The following ZDHHC5 variants were observed in gnomAD, a reference collection of about 807,000 sequenced individuals.
ZDHHC5 encodes the protein zDHHC palmitoyltransferase 5.
A neutral mutation model predicts 70.0 loss-of-function variants in ZDHHC5; 22 were observed. The ratio of observed to expected loss-of-function variants is 0.31; its 90% CI spans 0.22 to 0.45. ZDHHC5 has a LOEUF of 0.45. ZDHHC5 is among the 20% of genes least tolerant of loss of function. The pLI, the probability that ZDHHC5 is intolerant of heterozygous loss-of-function variation, is 1.00. For synonymous variants in ZDHHC5, 313 were observed against 347.8 expected (o/e 0.90, Z 1.11); for missense variants, 746 against 926.9 (o/e 0.80, Z 2.53).
Position 57,700,496 on chromosome 11 carries a change from C to G in ZDHHC5, c.*465C>G, listed in dbSNP as rs1176590786. The stretch of plus-strand genomic sequence containing the variant: ...GGAAAATGAGGGAGGGATACATATA[C>G]GGAGGGGGATCTTACTCTTCCCATT... On this transcript the variant is annotated 3_prime_UTR_variant, in exon 12 of 12. Transcript: ENST00000287169. 6.6e-6 allele frequency: 1 copy of G among 151,074 alleles called. No homozygotes were observed. The highest frequency in any genetic ancestry group is 1.5e-5 in the Non-Finnish European group (1 of 67,806). 9.4% of individuals were successfully genotyped at this position (151,074 alleles called of 1,614,324 possible).
chr11:57,698,932 C>T lies in ZDHHC5; in HGVS notation c.1496C>T (p.Ser499Phe), dbSNP rs749005296. Residue 499 changes from serine to phenylalanine, a missense_variant, in exon 11 of 12, where the codon TCT becomes TTT. Coordinates refer to ENST00000287169, the MANE Select transcript of ZDHHC5 (RefSeq NM_015457.3). ...CCAGACCCACCTTTAGGCTATACCT[C>T]TCCCTTCCTGTCAGCCAGGCTGGCC... ...PEPDPPLGYT[S>F]PFLSARLAQQ... 2.8e-5 allele frequency: 45 copies of T among 1,613,944 alleles called. No homozygotes were observed. Among genetic ancestry groups the T allele is most frequent in the Non-Finnish European group, 3.4e-5 (40 of 1,180,026 alleles).
rs745651062 is a variant in ZDHHC5 at position 57,698,658 on chromosome 11, C to T, written c.1222C>T (p.Arg408Cys). 1.4e-4 allele frequency: 234 copies of T among 1,614,062 alleles called. No homozygotes were observed. Among genetic ancestry groups the T allele is most frequent in the East Asian group, 3.3e-4 (15 of 44,884 alleles). ...GCCCAGCTTGGAACCAGAGAGCTTC[C>T]GTTCTCCTACCTTTGGCAAAAGTTT... ...SEPSLEPESFRSPTFGKSFHF... is the reference protein window; with the variant it reads ...SEPSLEPESFCSPTFGKSFHF... The change falls in exon 11 of 12, where the codon CGT becomes TGT. Residue 408 changes from arginine to cysteine, a missense_variant. Coordinates refer to ENST00000287169, the MANE Select transcript of ZDHHC5 (RefSeq NM_015457.3).
chr11:57,688,773 G>GT lies in ZDHHC5; in HGVS notation c.384+110dup, dbSNP rs550907743. On this transcript the variant is annotated intron_variant, in intron 4 of 11. Coordinates refer to ENST00000287169, the MANE Select transcript of ZDHHC5 (RefSeq NM_015457.3). ...ATGTGGTATAGTCCTGTCTAACTAC[G>GT]TTGGCCACATGGTCCAGCTCTGTCA... The GT allele has an allele frequency of 4.6e-4, 574 of 1,245,048 alleles. 1 individual carries two copies. The highest frequency in any genetic ancestry group is 5.8e-4 in the Non-Finnish European group (548 of 948,786). 77.1% of individuals were successfully genotyped at this position (1,245,048 alleles called of 1,614,324 possible). A position where few individuals can be genotyped will look rare whatever the true frequency, so the allele number is the denominator to read the frequency against.
intron 8 of ZDHHC5, among the ~76,000 whole-genome samples, chr11:57,695,327 T>C (rs1783977): frequency 0.66 from 99,215 of 151,180 alleles, 33,393 homozygotes; most frequent in East Asian, 0.9. Context: ...GGCTGAGGCA[T>C]GAGAATCGCT....
Position 57,699,227 on chromosome 11 carries a change from G to C in ZDHHC5, c.1791G>C (p.Lys597Asn), listed in dbSNP as rs780368159. 2 of 1,614,132 alleles carry C rather than the reference G, an allele frequency of 1.2e-6. No homozygotes were observed. The highest frequency in any genetic ancestry group is 1.1e-5 in the South Asian group (1 of 91,094). ...SDDSKRSPLG[K>N]TPLGRPAVPR... ...ATTCAAAGAGATCACCTTTGGGCAA[G>C]ACTCCACTGGGACGCCCAGCTGTCC... The change falls in exon 11 of 12, where the codon AAG becomes AAC. Residue 597 changes from lysine to asparagine, a missense_variant. Around this residue, in one of 6 missense-constraint regions of ZDHHC5, gnomAD observed 340 missense variants for 350.1 expected, o/e 0.97. Coordinates refer to ENST00000287169, the MANE Select transcript of ZDHHC5 (RefSeq NM_015457.3).
At chr11:57,693,075 G>C (rs1193484072) in intron 7 of ZDHHC5, among the ~76,000 whole-genome samples, 2 of 152,118 alleles carry the variant, frequency 1.3e-5, no homozygotes, top group Non-Finnish European at 2.9e-5. Flanking sequence ...GGGAGGCCGA[G>C]GTGGGCGAAT....
At chr11:57,671,401 G>A (rs1471537582) in intron 1 of ZDHHC5, among the ~76,000 whole-genome samples, 2 of 152,148 alleles carry the variant, frequency 1.3e-5, no homozygotes, top group African/African-American at 4.8e-5. Context: ...TGGGAAAAAA[G>A]AACCAACCCT....
chr11:57,687,162 G>A (rs935151731), intron 3 of ZDHHC5, among the ~76,000 whole-genome samples: 5 of 151,898 alleles, frequency 3.3e-5, no homozygotes, highest in Non-Finnish European at 7.4e-5. Context: ...TTCTTGTGAT[G>A]TAAATATGAA....
In ZDHHC5 at chr11:57,672,009, G is replaced by C. The variant is rs1351792076; in HGVS notation, c.-1070-12G>C. ...AAAGAATTCTCTGATAAAGATACTT[G>C]TTTTTCTCCAGGTGAGACACAGTAA... On this transcript the variant is annotated splice_polypyrimidine_tract_variant and intron_variant, in intron 1 of 11. Transcript: ENST00000287169. The C allele has an allele frequency of 7.9e-6, 3 of 378,984 alleles. No individual in the cohort carries two copies. Among genetic ancestry groups the C allele is most frequent in the Non-Finnish European group, 1.4e-5 (3 of 214,278 alleles). The allele number at this position is 378,984 out of a possible 1,614,324, so 23.5% of individuals were successfully genotyped here.
intron 8 of ZDHHC5, among the ~76,000 whole-genome samples, chr11:57,694,926 C>T (rs1946330382): frequency 6.6e-6 from 1 of 152,200 alleles, no homozygotes; most frequent in Admixed American, 6.5e-5. Flanking sequence ...GCCTGGACAA[C>T]ATAGCGAGAC....
At chr11:57,689,441 A>C (rs1271597) in intron 4 of ZDHHC5, among the ~76,000 whole-genome samples, 1 of 151,896 alleles carries the variant, frequency 6.6e-6, no homozygotes, top group East Asian at 1.9e-4. Flanking sequence ...GCAATGGCGC[A>C]ATCTCGGCTC....
intron 2 of ZDHHC5, among the ~76,000 whole-genome samples, chr11:57,682,097 T>C (rs553135699): frequency 1.9e-4 from 29 of 152,280 alleles, no homozygotes; most frequent in Non-Finnish European, 3.5e-4. Flanking sequence ...GGTTCTCATG[T>C]CTGGTTAGAA....
intron 6 of ZDHHC5, 139 bp from the exon 7 acceptor site, chr11:57,692,472 C>CAT: frequency 1.5e-6 from 1 of 682,372 alleles, no homozygotes; most frequent in South Asian, 1.9e-5. Flanking sequence ...TTAACCATAA[C>CAT]ATATATAAAT....
rs1378923513 is a variant in ZDHHC5 at position 57,693,893 on chromosome 11, A to G, written c.863A>G (p.Gln288Arg). The change falls in exon 8 of 12, where the codon CAG becomes CGG. Residue 288 changes from glutamine (Q) to arginine (R), a missense_variant. Gln to Arg is a conservative substitution (Grantham distance 43). This residue lies in a region of ZDHHC5 where 179 missense variants were observed against 178.4 expected (regional missense o/e 1.00). Transcript: ENST00000287169. The part of the protein sequence containing the change: ...ITVKIMDNGI[Q>R]GELRRTKSKG... ...GTGAAGATCATGGATAATGGCATCCAGGGAGAGCTGAGGAGAACAAAGGTG... is the reference window on the plus strand; with the variant it reads ...GTGAAGATCATGGATAATGGCATCCGGGGAGAGCTGAGGAGAACAAAGGTG... 2 of 1,613,424 alleles carry G rather than the reference A, an allele frequency of 1.2e-6. No homozygotes were observed. The highest frequency in any genetic ancestry group is 1.7e-6 in the Non-Finnish European group (2 of 1,179,750).
chr11:57,689,578 A>G lies in ZDHHC5; in HGVS notation c.385-453A>G, dbSNP rs559136069. On this transcript the variant is annotated intron_variant, in intron 4 of 11. Transcript: ENST00000287169. ...TTTTTAGTAGAGATGGGGTTTCACC[A>G]TGTTGGTCAGGCTGGTCTTGAACTC... Among the ~76,000 whole-genome samples the G allele has an allele frequency of 2.5e-3, 374 of 151,518 alleles. 2 individuals carry two copies. The highest frequency in any genetic ancestry group is 3.7e-3 in the Admixed American group (57 of 15,230).
chr11:57,695,622 C>T (rs1294322885), intron 8 of ZDHHC5, among the ~76,000 whole-genome samples: 1 of 151,380 alleles, frequency 6.6e-6, no homozygotes, highest in Non-Finnish European at 1.5e-5. Flanking sequence ...ACCCCCATCT[C>T]TACAAAATAA....
At position 57,678,727 on chromosome 11, in the gene ZDHHC5, A is replaced by G. The variant is rs540154327; in HGVS notation, c.105-3695A>G. 5.0e-4 allele frequency among the ~76,000 whole-genome samples: 76 copies of G among 152,084 alleles called. 1 individual carries two copies. In the South Asian group the frequency reaches 8.9e-3, roughly 18 times the overall value. ...GACCTGTCTCTACAAAAAATAAGCA[A>G]AGTCAGCTGGTCATGGTGGCATGCA... On this transcript the variant is annotated intron_variant, in intron 2 of 11. Coordinates refer to ENST00000287169, the MANE Select transcript of ZDHHC5 (RefSeq NM_015457.3).
chr11:57,695,836 C>A, intron 8 of ZDHHC5, 84 bp from the exon 9 acceptor site: 1 of 1,491,786 alleles, frequency 6.7e-7, no homozygotes, highest in South Asian at 1.3e-5. Context: ...CTCCCAAATA[C>A]CTCCCTCTTA....
chr11:57,694,892 C>A (rs975072854), intron 8 of ZDHHC5, among the ~76,000 whole-genome samples: 7 of 152,154 alleles, frequency 4.6e-5, no homozygotes, highest in African/African-American at 7.2e-5. Flanking sequence ...GGGAAGATCG[C>A]TTGAGTTCAG....
Sources: allele counts gnomAD v4.1 joint callset (sites outside exome capture counted in the v4.1 genomes callset), GRCh38; gene constraint gnomAD v4.1.1; regional missense constraint gnomAD v4.1.1; transcripts MANE v1.5; gene names NCBI Gene and HGNC (gene_info 2026-07-23, HGNC 2026-07-21).